Variants in SSC5D observed in about 807,000 individuals in gnomAD.
SSC5D encodes the protein scavenger receptor cysteine rich family member with 5 domains, also known as soluble scavenger receptor cysteine-rich domain-containing protein SSC5D.
In SSC5D, 106 loss-of-function variants were observed where a neutral mutation model predicts 104.6. That is an observed-to-expected ratio of 1.01 (90% confidence interval 0.87 to 1.19). SSC5D has a LOEUF of 1.19. SSC5D is among the 50% of genes most tolerant of loss of function. SSC5D has a pLI of 0.00. For synonymous variants in SSC5D, 860 were observed against 883.5 expected, an observed-to-expected ratio of 0.97 and a Z score of 0.47; for missense variants, 1,993 against 2,153.8, an observed-to-expected ratio of 0.93 and a Z score of 1.48.
chr19:55,517,517 G>C lies in SSC5D; in HGVS notation c.3241G>C (p.Ala1081Pro), dbSNP rs1416234477. Reference protein sequence around the residue: ...LSTPDSSVVPALTPEPSPTPL... With the variant: ...LSTPDSSVVPPLTPEPSPTPL... ...CACCCCTGACTCCAGTGTGGTTCCC[G>C]CGTTGACCCCGGAGCCCTCACCCAC... Residue 1081 changes from alanine (A) to proline (P), a missense_variant, in exon 14 of 14, where the codon GCG becomes CCG. Physicochemically the swap from Ala to Pro is conservative, Grantham distance 27 (BLOSUM62 -1). Transcript: ENST00000389623. The C allele has an allele frequency of 1.3e-6, 2 of 1,550,992 alleles. No individual in the cohort carries two copies. Among genetic ancestry groups the C allele is most frequent in the Admixed American group, 2.0e-5 (1 of 50,904 alleles).
intron 6 of SSC5D, chr19:55,492,288 AGG>A (rs1987172495): frequency 6.6e-6 from 1 of 152,188 alleles, no homozygotes; most frequent in Non-Finnish European, 1.5e-5. Flanking sequence ...AGTCGGCCAT[AGG>A]GACGTGGTGG....
At position 55,493,703 on chromosome 19, in the gene SSC5D, T is replaced by C; in HGVS notation, c.1004T>C (p.Leu335Pro). The C allele has an allele frequency of 6.6e-7, 1 of 1,513,336 alleles. No individual in the cohort carries two copies. Among genetic ancestry groups the C allele is most frequent in the Non-Finnish European group, 8.8e-7 (1 of 1,135,732 alleles). The allele number at this position is 1,513,336 out of a possible 1,614,324, so 93.7% of individuals were successfully genotyped here. A position where few individuals can be genotyped will look rare whatever the true frequency, so the allele number is the denominator to read the frequency against. The change falls in exon 7 of 14, where the codon CTG becomes CCG. Residue 335 changes from leucine to proline, a missense_variant. Transcript: ENST00000389623. ...WGSVCDDAWDLRDAAVACREL... is the reference protein window; with the variant it reads ...WGSVCDDAWDPRDAAVACREL... ...TCGGTGTGTGACGACGCCTGGGACC[T>C]GCGAGACGCCGCTGTGGCCTGCCGA...
At chr19:55,496,020 C>T (rs1314131479) in intron 8 of SSC5D, among the ~76,000 whole-genome samples, 2 of 149,306 alleles carry the variant, frequency 1.3e-5, no homozygotes, top group Admixed American at 6.8e-5. Flanking sequence ...GGATTATAGG[C>T]GTGAGCCACC....
At chr19:55,499,774 A>T (rs1307490355) in intron 9 of SSC5D, 42 bp from the exon 10 acceptor site, 1 of 1,481,106 alleles carries the variant, frequency 6.8e-7, no homozygotes, top group Admixed American at 2.1e-5. Flanking sequence ...TCTTGTCATC[A>T]TGGTGTCTCT....
chr19:55,496,706 T>C (rs1194058916), intron 8 of SSC5D, among the ~76,000 whole-genome samples: 2 of 151,946 alleles, frequency 1.3e-5, no homozygotes, highest in Non-Finnish European at 2.9e-5. Context: ...AAAAAACAAT[T>C]GTGATAAAAC....
At chr19:55,496,065 C>T (rs1489707337) in intron 8 of SSC5D, among the ~76,000 whole-genome samples, 1 of 151,980 alleles carries the variant, frequency 6.6e-6, no homozygotes, top group East Asian at 1.9e-4. Flanking sequence ...GTGTTTTTTG[C>T]AGGAAGGAAT....
At chr19:55,494,462 G>A (rs180750271) in intron 7 of SSC5D, 148 bp from the exon 8 acceptor site, 30 of 858,996 alleles carry the variant, frequency 3.5e-5, no homozygotes, top group African/African-American at 1.7e-4. Flanking sequence ...TGTGGAAAGC[G>A]TGGGCTGTGT....
At chr19:55,511,010 C>T (rs995496400) in intron 12 of SSC5D, among the ~76,000 whole-genome samples, 1 of 151,966 alleles carries the variant, frequency 6.6e-6, no homozygotes, top group African/African-American at 2.4e-5. Flanking sequence ...AACTCCTGAC[C>T]TCAGGTGATC....
intron 12 of SSC5D, among the ~76,000 whole-genome samples, chr19:55,509,761 A>G (rs1987713076): frequency 6.7e-6 from 1 of 148,656 alleles, no homozygotes. Flanking sequence ...AGGGAGGCCA[A>G]GGCAGGAGAA....
intron 9 of SSC5D, among the ~76,000 whole-genome samples, chr19:55,499,080 G>C (rs1364426569): frequency 6.6e-6 from 1 of 152,162 alleles, no homozygotes; most frequent in African/African-American, 2.4e-5. Flanking sequence ...GTGTTCGTGG[G>C]GACTTGGCCA....
intron 7 of SSC5D, 82 bp downstream of exon 7, chr19:55,493,994 G>GAAGT: frequency 7.0e-6 from 1 of 143,314 alleles, no homozygotes; most frequent in Non-Finnish European, 1.4e-5. Context: ...GGGCGGGGGG[G>GAAGT]TCCCTACGCG....
At chr19:55,489,308 C>G in intron 2 of SSC5D, 46 bp from the exon 3 acceptor site, 6 of 1,419,400 alleles carry the variant, frequency 4.2e-6, no homozygotes, top group Non-Finnish European at 5.5e-6. Flanking sequence ...GCCTTGGGGC[C>G]CCCAGGATGC....
chr19:55,512,889 C>T, intron 12 of SSC5D, 122 bp from the exon 13 acceptor site: 2 of 1,203,392 alleles, frequency 1.7e-6, no homozygotes, highest in Non-Finnish European at 2.4e-6. Context: ...GGTAGGGCTG[C>T]AGTGGCGGTG....
At position 55,491,014 on chromosome 19, in the gene SSC5D, TGCCCCCGAA is replaced by T. The variant is rs766277766; in HGVS notation, c.835_843del (p.Arg279_Pro281del). The stretch of plus-strand genomic sequence containing the variant: ...AGGAGGAGAACAGGCCCTCCGAGAC[TGCCCCCGAA>T]GCCCCTGGGGCCGGAGCAACTGTGA... On this transcript the variant is annotated inframe_deletion, in exon 6 of 14. Coordinates refer to ENST00000389623, the MANE Select transcript of SSC5D (RefSeq NM_001144950.2). 12 of 1,550,000 alleles carry T rather than the reference TGCCCCCGAA, an allele frequency of 7.7e-6. No individual in the cohort carries two copies. Among genetic ancestry groups the T allele is most frequent in the Non-Finnish European group, 1.0e-5 (12 of 1,146,676 alleles).
intron 8 of SSC5D, among the ~76,000 whole-genome samples, chr19:55,495,236 T>TATATATATATATAA (rs60001829): frequency 2.4e-5 from 1 of 42,510 alleles, no homozygotes; most frequent in East Asian, 5.4e-4. Context: ...TATATATATT[T>TATATATATATATAA]TTTTTTTTTT....
chr19:55,488,957 A>G lies in SSC5D; in HGVS notation c.26-49A>G, dbSNP rs556722880. The stretch of plus-strand genomic sequence containing the variant: ...AGGGGCCTGCGCTGGAGAAAGGGCC[A>G]CCCCCGGCCTGCCCCTCACACTGCC... On this transcript the variant is annotated intron_variant, in intron 1 of 13. Transcript: ENST00000389623. The G allele has an allele frequency of 1.1e-5, 10 of 898,528 alleles. No individual in the cohort carries two copies. In the African/African-American group the frequency reaches 3.8e-4, roughly 35 times the overall value. The allele number at this position is 898,528 out of a possible 1,614,324, so 55.7% of individuals were successfully genotyped here.
At position 55,509,554 on chromosome 19, in the gene SSC5D, A is replaced by G. The variant is rs1393891099; in HGVS notation, c.2786-3457A>G. 1.1e-4 allele frequency among the ~76,000 whole-genome samples: 13 copies of G among 119,222 alleles called. No individual in the cohort carries two copies. In the Admixed American group the frequency reaches 1.2e-3, roughly 11 times the overall value. The allele number at this position is 119,222 out of a possible 152,430, so 78.2% of individuals were successfully genotyped here. ...CACAGAATGAGCCAGAGTTATGTGT[A>G]TCTTTTTATTCTTTTTTTTTTTTCC... On this transcript the variant is annotated intron_variant, in intron 12 of 13. Transcript: ENST00000389623.
chr19:55,509,674 T>C (rs1987711049), intron 12 of SSC5D, among the ~76,000 whole-genome samples: 1 of 150,352 alleles, frequency 6.7e-6, no homozygotes, highest in African/African-American at 2.4e-5. Flanking sequence ...CTGGCCAACA[T>C]GGTTAAACAC....
chr19:55,491,135 C>T, intron 6 of SSC5D, 55 bp downstream of exon 6: 2 of 1,498,784 alleles, frequency 1.3e-6, no homozygotes, highest in Non-Finnish European at 1.8e-6. Flanking sequence ...CCAGCTCCCT[C>T]TTGCCCCTCC....
Sources: allele counts gnomAD v4.1 joint callset (sites outside exome capture counted in the v4.1 genomes callset), GRCh38; gene constraint gnomAD v4.1.1; transcripts MANE v1.5; gene names NCBI Gene and HGNC (gene_info 2026-07-23, HGNC 2026-07-21).